CCDC43: variants seen among roughly 807,000 people sequenced by gnomAD.
CCDC43 encodes the protein coiled-coil domain containing 43, also known as coiled-coil domain-containing protein 43.
A neutral mutation model predicts 33.3 loss-of-function variants in CCDC43; 20 were observed. That is an observed-to-expected ratio of 0.60 (90% CI 0.42 to 0.87). The LOEUF is 0.87. Among genes scored for constraint, CCDC43 ranks in the 40% least tolerant of loss-of-function variants. The probability of loss-of-function intolerance (pLI) is 0.00; values close to 1 mark genes in which losing one functional copy is unlikely to be tolerated. For synonymous variants in CCDC43, 104 were observed against 106.5 expected (o/e 0.98, Z 0.14); for missense variants, 248 against 269.9 (o/e 0.92, Z 0.57).
intron 1 of CCDC43, among the ~76,000 whole-genome samples, chr17:44,685,287 C>A (rs373905091): frequency 2.0e-5 from 3 of 152,182 alleles, no homozygotes; most frequent in African/African-American, 7.2e-5. Context: ...CAATTCAGAA[C>A]CTTCCCTAAG....
In CCDC43 at chr17:44,678,712, G is replaced by A; in HGVS notation, c.*144C>T. 1.2e-6 allele frequency: 1 copy of A among 800,482 alleles called. No individual in the cohort carries two copies. The highest frequency in any genetic ancestry group is 1.9e-6 in the Non-Finnish European group (1 of 515,876). 49.6% of individuals were successfully genotyped at this position (800,482 alleles called of 1,614,324 possible). The stretch of plus-strand genomic sequence containing the variant: ...AACAGCACATTTTGTAATTAGAAGT[G>A]ATTTTGATTTTCCTTTTGACCATGT... On this transcript the variant is annotated 3_prime_UTR_variant, in exon 5 of 5. Coordinates refer to ENST00000315286, the MANE Select transcript of CCDC43 (RefSeq NM_144609.3).
Position 44,678,976 on chromosome 17 carries a change from C to A in CCDC43, c.555G>T (p.Arg185=). 1 of 1,613,764 alleles carries A rather than the reference C, an allele frequency of 6.2e-7. No individual in the cohort carries two copies. The highest frequency in any genetic ancestry group is 8.5e-7 in the Non-Finnish European group (1 of 1,179,866). The part of the protein sequence containing the change: ...NARKLERDSL[R]DESQRKKEQD... ...GTTCCTTCTTCCTTTGGGATTCATC[C>A]CGAAGTGAGTCTCGCTCCAGTTTTC... The change falls in exon 5 of 5, where the codon CGG becomes CGT. Residue 185 remains arginine, a synonymous_variant. Transcript: ENST00000315286.
At chr17:44,681,282 C>T (rs761760750) in intron 3 of CCDC43, among the ~76,000 whole-genome samples, 3 of 151,986 alleles carry the variant, frequency 2.0e-5, no homozygotes, top group Admixed American at 6.6e-5. Context: ...ACTAAAAATA[C>T]GAAAAATTAG....
At chr17:44,683,806 A>T (rs542350574) in intron 2 of CCDC43, 66 bp downstream of exon 2, 1 of 1,089,448 alleles carries the variant, frequency 9.2e-7, no homozygotes, top group African/African-American at 1.5e-5. Flanking sequence ...ATCTCTTCCT[A>T]ACAGCTATAC....
intron 1 of CCDC43, 68 bp downstream of exon 1, chr17:44,689,482 G>A: frequency 6.3e-7 from 1 of 1,597,970 alleles, no homozygotes; most frequent in Non-Finnish European, 8.5e-7. Context: ...AGGGGAGGGA[G>A]GGTGCAAAGT....
intron 2 of CCDC43, among the ~76,000 whole-genome samples, chr17:44,682,628 C>T (rs1227919615): frequency 6.6e-6 from 1 of 152,080 alleles, no homozygotes; most frequent in Non-Finnish European, 1.5e-5. Context: ...GAGGCCAAGG[C>T]AGGTGGATCA....
intron 1 of CCDC43, among the ~76,000 whole-genome samples, chr17:44,685,662 C>A (rs567623099): frequency 5.1e-4 from 78 of 152,296 alleles, no homozygotes; most frequent in African/African-American, 1.8e-3. Flanking sequence ...GGCTGCATTC[C>A]CCACCTTCAC....
chr17:44,681,803 A>C (rs918035833), intron 3 of CCDC43, 200 bp downstream of exon 3: 1 of 591,534 alleles, frequency 1.7e-6, no homozygotes, highest in South Asian at 2.2e-5. Flanking sequence ...TATAATGATT[A>C]TGTGTTGAAA....
chr17:44,685,066 C>T (rs1010768005), intron 1 of CCDC43, among the ~76,000 whole-genome samples: 4 of 152,310 alleles, frequency 2.6e-5, no homozygotes, highest in African/African-American at 9.6e-5. Context: ...GATTACAGGC[C>T]TGGGCCACCA....
chr17:44,685,625 A>G (rs1972222898), intron 1 of CCDC43, among the ~76,000 whole-genome samples: 1 of 152,224 alleles, frequency 6.6e-6, no homozygotes, highest in Admixed American at 6.5e-5. Flanking sequence ...TCTAATAAAC[A>G]CGAGCACTTC....
Position 44,682,017 on chromosome 17 carries a change from C to T in CCDC43, c.414G>A (p.Val138=), listed in dbSNP as rs1972170294. The T allele has an allele frequency of 6.2e-7, 1 of 1,614,014 alleles. No individual in the cohort carries two copies. The highest frequency in any genetic ancestry group is 8.5e-7 in the Non-Finnish European group (1 of 1,179,894). Residue 138 remains valine (V), a synonymous_variant, in exon 3 of 5, where the codon GTG becomes GTA. Coordinates refer to ENST00000315286, the MANE Select transcript of CCDC43 (RefSeq NM_144609.3). ...KAALLAQYAD[V]TDEEDEADEK... is the part of the protein sequence containing the mutation. ...AGAAAGGATATTCCTCTTCATCTGTCACATCAGCATACTGGGCCAGGAGGG... is the reference window on the plus strand; with the variant it reads ...AGAAAGGATATTCCTCTTCATCTGTTACATCAGCATACTGGGCCAGGAGGG...
At chr17:44,682,171 AT>A (rs766883040) in intron 2 of CCDC43, 33 bp from the exon 3 acceptor site, 41 of 1,613,318 alleles carry the variant, frequency 2.5e-5, no homozygotes. Flanking sequence ...ACAAGGTTGT[AT>A]GAGAGAGAAC....
chr17:44,679,182 T>G (rs1555668713), intron 4 of CCDC43, 139 bp from the exon 5 acceptor site: 1 of 518,540 alleles, frequency 1.9e-6, no homozygotes, highest in Admixed American at 4.0e-5. Flanking sequence ...AAAAAAACCC[T>G]TATGTTTATC....
At chr17:44,684,670 C>A (rs1972209550) in intron 1 of CCDC43, among the ~76,000 whole-genome samples, 1 of 150,720 alleles carries the variant, frequency 6.6e-6, no homozygotes, top group East Asian at 1.9e-4. Context: ...GCACTCCAGC[C>A]TGGGAGAGGG....
intron 1 of CCDC43, among the ~76,000 whole-genome samples, chr17:44,686,670 C>T (rs189516791): frequency 1.2e-4 from 19 of 152,300 alleles, no homozygotes; most frequent in African/African-American, 4.6e-4. Flanking sequence ...ATCCTACTTA[C>T]AATGCTCCTT....
At chr17:44,689,491 G>C in intron 1 of CCDC43, 59 bp downstream of exon 1, 2 of 1,608,462 alleles carry the variant, frequency 1.2e-6, no homozygotes, top group South Asian at 1.1e-5. Context: ...AGGGTGCAAA[G>C]TACTGACAGG....
intron 4 of CCDC43, 130 bp downstream of exon 4, chr17:44,680,455 A>C (rs1196620873): frequency 1.5e-6 from 1 of 670,366 alleles, no homozygotes; most frequent in East Asian, 2.5e-5. Context: ...TCCTAGGAAT[A>C]GGGCTCCCAA....
chr17:44,679,317 AT>A (rs565275019), intron 4 of CCDC43, among the ~76,000 whole-genome samples: 70 of 152,358 alleles, frequency 4.6e-4, no homozygotes, highest in African/African-American at 1.5e-3. Context: ...AAACAAAAAA[AT>A]AAGAAAACAA....
chr17:44,681,136 T>TA (rs893853471), intron 3 of CCDC43, among the ~76,000 whole-genome samples: 32 of 149,360 alleles, frequency 2.1e-4, no homozygotes, highest in South Asian at 8.5e-4. Flanking sequence ...AGAAAACTCG[T>TA]AAAAAAAAAA....
Sources: gnomAD v4.1 joint callset for allele counts (sites outside exome capture counted in the v4.1 genomes callset) on GRCh38, gnomAD v4.1.1 for gene constraint, MANE v1.5 for transcripts, NCBI Gene and HGNC (gene_info 2026-07-23, HGNC 2026-07-21) for gene names.